Variants in FANCC observed in about 807,000 individuals in gnomAD.
FANCC encodes FA complementation group C.
Under a neutral mutation model 71.3 loss-of-function variants are expected in FANCC, and 55 were observed. The observed-to-expected ratio is 0.77, with a 90% CI of 0.62 to 0.97. FANCC has a LOEUF of 0.97. Ranked by LOEUF, FANCC falls within the 50% of genes least tolerant of loss-of-function variation. The probability of loss-of-function intolerance (pLI) is 0.00; values close to 1 mark genes in which losing one functional copy is unlikely to be tolerated. For synonymous variants in FANCC, 275 were observed against 244.9 expected, an observed-to-expected ratio of 1.12 and a Z score of -1.15; for missense variants, 678 against 670.9, an observed-to-expected ratio of 1.01 and a Z score of -0.12.
At chr9:95,292,763 C>A in intron 1 of FANCC, 1 of 1,461,738 alleles carries the variant, frequency 6.8e-7, no homozygotes. Flanking sequence ...GAGGCCCTGA[C>A]AGACCATTTT....
At chr9:95,284,867 C>T (rs1286756786) in intron 1 of FANCC, among the ~76,000 whole-genome samples, 1 of 119,082 alleles carries the variant, frequency 8.4e-6, no homozygotes, top group Non-Finnish European at 1.7e-5. Flanking sequence ...CTCTCACACA[C>T]ACACACACAT....
chr9:95,155,065 G>C (rs1016213703), intron 6 of FANCC, among the ~76,000 whole-genome samples: 14 of 149,866 alleles, frequency 9.3e-5, no homozygotes, highest in Non-Finnish European at 7.4e-5. Flanking sequence ...AAATTAGCTG[G>C]GTGTGGTGGC....
intron 4 of FANCC, among the ~76,000 whole-genome samples, chr9:95,205,763 T>C (rs543796529): frequency 6.6e-6 from 1 of 151,984 alleles, no homozygotes; most frequent in Non-Finnish European, 1.5e-5. Flanking sequence ...ACTAAGATCA[T>C]AAAAGCTTCA....
chr9:95,224,906 A>C (rs1829518877), intron 4 of FANCC, among the ~76,000 whole-genome samples: 1 of 152,212 alleles, frequency 6.6e-6, no homozygotes, highest in African/African-American at 2.4e-5. Context: ...ACCATAGAGT[A>C]AAGTACTATT....
chr9:95,184,796 G>C (rs1053855940), intron 4 of FANCC, among the ~76,000 whole-genome samples: 21 of 152,194 alleles, frequency 1.4e-4, no homozygotes, highest in Admixed American at 9.2e-4. Context: ...AAGTTCAAAA[G>C]CAGGCACTAA....
chr9:95,218,293 C>T (rs1283753805), intron 4 of FANCC, among the ~76,000 whole-genome samples: 2 of 152,128 alleles, frequency 1.3e-5, no homozygotes, highest in African/African-American at 2.4e-5. Flanking sequence ...AGGAAAACCT[C>T]GTTGCCATAA....
chr9:95,189,190 TG>T (rs1826925337), intron 4 of FANCC, among the ~76,000 whole-genome samples: 1 of 151,524 alleles, frequency 6.6e-6, no homozygotes, highest in Non-Finnish European at 1.5e-5. Flanking sequence ...CTGCCTTCAA[TG>T]TTTTTTTTTT....
chr9:95,141,985 G>GTTTTTTTTTTTTTTT (rs1163083695), intron 7 of FANCC, among the ~76,000 whole-genome samples: 2 of 83,138 alleles, frequency 2.4e-5, no homozygotes, highest in Non-Finnish European at 2.1e-5. Context: ...AGTTTGTGGG[G>GTTTTTTTTTTTTTTT]TTTTTTTTTT....
At chr9:95,232,426 C>T (rs947019323) in intron 4 of FANCC, among the ~76,000 whole-genome samples, 1 of 152,052 alleles carries the variant, frequency 6.6e-6, no homozygotes, top group South Asian at 2.1e-4. Context: ...AAGAAGGATG[C>T]CTTATTGAAT....
intron 4 of FANCC, among the ~76,000 whole-genome samples, chr9:95,211,643 C>T (rs143819370): frequency 5.2e-4 from 79 of 152,248 alleles, no homozygotes; most frequent in African/African-American, 1.9e-3. Flanking sequence ...ACATAATCAA[C>T]ACATTCATCA....
In FANCC at chr9:95,150,092, G is replaced by C; in HGVS notation, c.522-5C>G. The stretch of plus-strand genomic sequence containing the variant: ...GCCACTCGCTCGGGAGCCATTCTAT[G>C]GAAGAAATAAGAAATAATCACTCAA... On this transcript the variant is annotated splice_region_variant and splice_polypyrimidine_tract_variant and intron_variant, in intron 6 of 14. Transcript: ENST00000289081. 6.2e-7 allele frequency: 1 copy of C among 1,613,908 alleles called. No homozygotes were observed. The highest frequency in any genetic ancestry group is 8.5e-7 in the Non-Finnish European group (1 of 1,179,908).
intron 10 of FANCC, among the ~76,000 whole-genome samples, chr9:95,121,368 T>C (rs994027865): frequency 2.0e-5 from 3 of 152,158 alleles, no homozygotes; most frequent in Non-Finnish European, 4.4e-5. Context: ...AGCACTGACA[T>C]GAGTGCTTCT....
rs1042363957 is a variant in FANCC, at chr9:95,099,399, C to T, written c.*2308G>A. ...CCCTGCGGCTGCCCCTGTGCCCAGG[C>T]CCCGCCAACGCCGTCAAGGCCCCCT... On this transcript the variant is annotated 3_prime_UTR_variant, in exon 15 of 15. Coordinates refer to ENST00000289081, the MANE Select transcript of FANCC (RefSeq NM_000136.3). The T allele has an allele frequency of 4.4e-5, 10 of 227,970 alleles. No homozygotes were observed. Among genetic ancestry groups the T allele is most frequent in the Non-Finnish European group, 8.7e-5 (10 of 115,288 alleles). The allele number at this position is 227,970 out of a possible 1,614,324, so 14.1% of individuals were successfully genotyped here.
chr9:95,119,007 C>T (rs1009938611), intron 10 of FANCC, among the ~76,000 whole-genome samples: 1 of 152,152 alleles, frequency 6.6e-6, no homozygotes, highest in Non-Finnish European at 1.5e-5. Context: ...GGTGTTGTAC[C>T]ATCTTACGCC....
At chr9:95,181,851 G>C (rs972363441) in intron 4 of FANCC, among the ~76,000 whole-genome samples, 3 of 152,248 alleles carry the variant, frequency 2.0e-5, no homozygotes, top group African/African-American at 7.2e-5. Context: ...GATCATGCGA[G>C]TGAACTTTCC....
At chr9:95,105,425 T>G (rs549915997) in intron 14 of FANCC, among the ~76,000 whole-genome samples, 2 of 152,224 alleles carry the variant, frequency 1.3e-5, no homozygotes, top group Non-Finnish European at 2.9e-5. Context: ...TGTATGTATA[T>G]GTCAACAAAA....
intron 1 of FANCC, among the ~76,000 whole-genome samples, chr9:95,284,923 C>T (rs80051579): frequency 0.011 from 1,725 of 151,374 alleles, 30 homozygotes; most frequent in African/African-American, 0.039. Context: ...CATGCGCACA[C>T]GCACAGAGAG....
At chr9:95,194,402 C>G (rs185423877) in intron 4 of FANCC, among the ~76,000 whole-genome samples, 57 of 152,288 alleles carry the variant, frequency 3.7e-4, no homozygotes, top group African/African-American at 1.3e-3. Context: ...AAGGCTGGCA[C>G]TAAGAAGATG....
chr9:95,176,905 G>A (rs1826042662), intron 4 of FANCC, among the ~76,000 whole-genome samples: 3 of 152,176 alleles, frequency 2.0e-5, no homozygotes. Context: ...TCACACCCTG[G>A]GCCTGGGACC....
Sources: gnomAD v4.1 joint callset for allele counts (sites outside exome capture counted in the v4.1 genomes callset) on GRCh38, gnomAD v4.1.1 for gene constraint, MANE v1.5 for transcripts, NCBI Gene and HGNC (gene_info 2026-07-23, HGNC 2026-07-21) for gene names.